The following SLC9D1 variants were observed in gnomAD, a reference collection of about 807,000 sequenced individuals.
SLC9D1 encodes the protein solute carrier family 9 member D1.
the SLC9D1 span, among the ~76,000 whole-genome samples, chr13:113,544,358 G>T: frequency 6.6e-6 from 1 of 152,204 alleles, no homozygotes; most frequent in Admixed American, 6.5e-5. Flanking sequence ...GGCCCAGAAG[G>T]CACCACAGAG....
chr13:113,538,482 A>G, the SLC9D1 span, among the ~76,000 whole-genome samples: 1 of 151,164 alleles, frequency 6.6e-6, no homozygotes, highest in African/African-American at 2.5e-5. Context: ...TTTCACACAC[A>G]TGAGTCTCTT....
the SLC9D1 span, among the ~76,000 whole-genome samples, chr13:113,510,814 C>A: frequency 6.6e-6 from 1 of 152,266 alleles, no homozygotes; most frequent in Non-Finnish European, 1.5e-5. Context: ...TTGATACTTT[C>A]TTCCTGTGAA....
chr13:113,513,592 C>T, the SLC9D1 span, among the ~76,000 whole-genome samples: 1 of 151,796 alleles, frequency 6.6e-6, no homozygotes, highest in African/African-American at 2.4e-5. Flanking sequence ...TGTAATATAC[C>T]CACAGCACAG....
chr13:113,549,913 T>C, the SLC9D1 span: 1 of 501,478 alleles, frequency 2.0e-6, no homozygotes, highest in Non-Finnish European at 3.5e-6. Context: ...CTTTTAAAAA[T>C]GTACAACTTC....
the SLC9D1 span, among the ~76,000 whole-genome samples, chr13:113,500,546 C>G: frequency 6.6e-6 from 1 of 152,274 alleles, no homozygotes; most frequent in Non-Finnish European, 1.5e-5. Context: ...AGAACCCATC[C>G]AGCAGTGCCT....
At chr13:113,547,580 C>T in the SLC9D1 span, among the ~76,000 whole-genome samples, 2 of 152,106 alleles carry the variant, frequency 1.3e-5, no homozygotes, top group Non-Finnish European at 2.9e-5. Context: ...TCCATGTGAT[C>T]GATTGTTTCA....
At chr13:113,520,509 T>A in the SLC9D1 span, 5 of 655,988 alleles carry the variant, frequency 7.6e-6, no homozygotes, top group South Asian at 2.9e-5. Flanking sequence ...AAAAGTAAAG[T>A]GCCAAAATAA....
At chr13:113,549,675 T>C in the SLC9D1 span, 3 of 997,840 alleles carry the variant, frequency 3.0e-6, no homozygotes, top group Non-Finnish European at 3.2e-6. Context: ...TGCAGTCGTG[T>C]TATCCCGGCT....
the SLC9D1 span, chr13:113,500,202 G>T: frequency 1.6e-6 from 2 of 1,242,778 alleles, no homozygotes; most frequent in Non-Finnish European, 2.1e-6. Flanking sequence ...GGTTCATGGT[G>T]TCAGTATGAC....
chr13:113,500,145 TA>T, the SLC9D1 span: 1 of 1,495,472 alleles, frequency 6.7e-7, no homozygotes, highest in Non-Finnish European at 9.0e-7. Flanking sequence ...CACCACTTTA[TA>T]AAGGTAGTGA....
At chr13:113,516,497 C>T in the SLC9D1 span, among the ~76,000 whole-genome samples, 406 of 150,560 alleles carry the variant, frequency 2.7e-3, 1 homozygote, top group African/African-American at 9.2e-3. Flanking sequence ...ACCCTGGAGG[C>T]GGAGCTTCCA....
At chr13:113,500,039 G>A in the SLC9D1 span, 3 of 1,593,758 alleles carry the variant, frequency 1.9e-6, no homozygotes, top group Admixed American at 5.2e-5. Flanking sequence ...AAAACGAGAA[G>A]TGGAGGATGA....
At chr13:113,549,378 C>T in the SLC9D1 span, 1 of 1,602,002 alleles carries the variant, frequency 6.2e-7, no homozygotes, top group South Asian at 1.1e-5. Flanking sequence ...GTTGCAGGTG[C>T]TAGTCCTGAC....
At chr13:113,550,095 A>C in the SLC9D1 span, 1 of 164,622 alleles carries the variant, frequency 6.1e-6, no homozygotes, top group African/African-American at 2.4e-5. Context: ...AAATGAAATA[A>C]TTTCATGTCA....
chr13:113,517,445 G>T, the SLC9D1 span, among the ~76,000 whole-genome samples: 6 of 152,070 alleles, frequency 3.9e-5, no homozygotes, highest in African/African-American at 7.2e-5. Flanking sequence ...AGCCAGGATG[G>T]TCTCGATCTC....
the SLC9D1 span, among the ~76,000 whole-genome samples, chr13:113,493,191 C>T: frequency 7.4e-4 from 113 of 152,038 alleles, no homozygotes; most frequent in African/African-American, 2.7e-3. Context: ...ATTATAGCTC[C>T]CTTAGAGGGA....
chr13:113,503,571 C>T, the SLC9D1 span: 1 of 1,612,948 alleles, frequency 6.2e-7, no homozygotes, highest in Non-Finnish European at 8.5e-7. Context: ...AGAATTTTCT[C>T]CAGAAAAGCT....
chr13:113,492,164 C>G, the SLC9D1 span, among the ~76,000 whole-genome samples: 1 of 152,116 alleles, frequency 6.6e-6, no homozygotes, highest in Non-Finnish European at 1.5e-5. Context: ...TTAATAGAGA[C>G]AGGGTCTTGC....
At chr13:113,539,392 C>A in the SLC9D1 span, 3 of 1,613,376 alleles carry the variant, frequency 1.9e-6, no homozygotes, top group Non-Finnish European at 2.5e-6. This position sits in a 1 kb window ranked among gnomAD's most constrained non-coding sequence, Gnocchi z 4.8. Flanking sequence ...TGGAGCTGGG[C>A]TGTTTCCTGG....
Sources: allele counts gnomAD v4.1 joint callset (sites outside exome capture counted in the v4.1 genomes callset), GRCh38; gene constraint gnomAD v4.1.1; non-coding constraint Gnocchi (gnomAD v3.1); transcripts MANE v1.5; gene names NCBI Gene and HGNC (gene_info 2026-07-23, HGNC 2026-07-21).